The following SLC24A2 variants were observed in gnomAD, a reference collection of about 807,000 sequenced individuals.
The protein encoded by SLC24A2 is sodium/potassium/calcium exchanger 2.
Under a neutral mutation model 62.0 loss-of-function variants are expected in SLC24A2, and 36 were observed. The ratio of observed to expected loss-of-function variants is 0.58; its 90% CI spans 0.44 to 0.77. The LOEUF is 0.77. Among genes scored for constraint, SLC24A2 ranks in the 30% least tolerant of loss-of-function variants. SLC24A2 has a pLI of 0.00. For missense variants in SLC24A2, 846 were observed against 817.9 expected (o/e 1.03, Z -0.42); for synonymous variants, 358 against 294.0 (o/e 1.22, Z -2.23).
the SLC24A2 span, among the ~76,000 whole-genome samples, chr9:20,065,722 G>A: frequency 6.6e-6 from 1 of 152,196 alleles, no homozygotes; most frequent in Non-Finnish European, 1.5e-5. Context: ...CATTTGGTAA[G>A]TAGCAGATAT....
At chr9:20,061,893 C>A in the SLC24A2 span, among the ~76,000 whole-genome samples, 1 of 151,998 alleles carries the variant, frequency 6.6e-6, no homozygotes, top group Non-Finnish European at 1.5e-5. Flanking sequence ...AATGAAAGGG[C>A]AACCCACGGA....
chr9:20,288,994 G>C, the SLC24A2 span, among the ~76,000 whole-genome samples: 8 of 151,946 alleles, frequency 5.3e-5, no homozygotes, highest in Admixed American at 6.6e-5. Flanking sequence ...AGAGCCTTCA[G>C]ATAATTCCAG....
At chr9:20,198,625 T>C in the SLC24A2 span, among the ~76,000 whole-genome samples, 1 of 152,026 alleles carries the variant, frequency 6.6e-6, no homozygotes, top group Non-Finnish European at 1.5e-5. Context: ...GAGAGGCAAT[T>C]TGTGGAACAC....
At chr9:19,556,738 T>C (rs1179600840) in intron 7 of SLC24A2, among the ~76,000 whole-genome samples, 1 of 152,184 alleles carries the variant, frequency 6.6e-6, no homozygotes, top group Non-Finnish European at 1.5e-5. Context: ...AGCACTTACG[T>C]ATTTTACATA....
In SLC24A2 at chr9:19,691,662, C is replaced by T. The variant is rs562384301; in HGVS notation, c.931-69363G>A. ...TATTTCTCTGGTTAAAAGTACAGAACCAGTTATATACTTTCCTAGTATATG... is the reference window on the plus strand; with the variant it reads ...TATTTCTCTGGTTAAAAGTACAGAATCAGTTATATACTTTCCTAGTATATG... On this transcript the variant is annotated intron_variant, in intron 2 of 10. Transcript: ENST00000341998. Among the ~76,000 whole-genome samples the T allele has an allele frequency of 2.7e-4, 41 of 152,128 alleles. 1 individual carries two copies. The highest frequency in any genetic ancestry group is 5.6e-4 in the Non-Finnish European group (38 of 68,012).
the SLC24A2 span, among the ~76,000 whole-genome samples, chr9:20,014,495 G>GATAT: frequency 0.37 from 51,737 of 140,144 alleles, 10,315 homozygotes; most frequent in Non-Finnish European, 0.48. Flanking sequence ...AGAAAAATGT[G>GATAT]ATATATATAT....
intron 8 of SLC24A2, among the ~76,000 whole-genome samples, chr9:19,542,158 C>G (rs927017301): frequency 6.6e-6 from 1 of 152,152 alleles, no homozygotes; most frequent in African/African-American, 2.4e-5. Flanking sequence ...GCAGAAATCA[C>G]CCGTCTTCTG....
chr9:19,941,857 A>G, the SLC24A2 span, among the ~76,000 whole-genome samples: 1 of 152,202 alleles, frequency 6.6e-6, no homozygotes, highest in South Asian at 2.1e-4. Context: ...ATAAGGAATC[A>G]GTACTAGGAA....
At chr9:19,727,921 A>T (rs183085284) in intron 2 of SLC24A2, among the ~76,000 whole-genome samples, 1 of 152,318 alleles carries the variant, frequency 6.6e-6, no homozygotes, top group Non-Finnish European at 1.5e-5. Flanking sequence ...GTATATCCCT[A>T]AAAGTTCATT....
chr9:19,863,618 G>A, the SLC24A2 span, among the ~76,000 whole-genome samples: 2 of 145,856 alleles, frequency 1.4e-5, no homozygotes, highest in African/African-American at 5.1e-5. Flanking sequence ...TGACCAGTGG[G>A]TAAATTAAAA....
At chr9:19,925,851 CAG>C in the SLC24A2 span, among the ~76,000 whole-genome samples, 1 of 152,310 alleles carries the variant, frequency 6.6e-6, no homozygotes, top group Admixed American at 6.5e-5. Context: ...CTTTTCCTGA[CAG>C]AGATTTTAAT....
chr9:20,019,295 GA>G, the SLC24A2 span, among the ~76,000 whole-genome samples: 13 of 149,978 alleles, frequency 8.7e-5, no homozygotes, highest in Admixed American at 8.6e-4. Context: ...AAGAAAGAAA[GA>G]AAGAAAGAAA....
the SLC24A2 span, among the ~76,000 whole-genome samples, chr9:20,052,349 TC>T: frequency 1.1e-4 from 17 of 152,296 alleles, no homozygotes; most frequent in Non-Finnish European, 2.5e-4. Context: ...TGTCATCTTC[TC>T]CTTTGGCGTT....
the SLC24A2 span, among the ~76,000 whole-genome samples, chr9:20,100,075 G>A: frequency 2.1e-4 from 32 of 152,024 alleles, no homozygotes; most frequent in African/African-American, 6.5e-4. Context: ...CTGGAGTGCA[G>A]TGGTGCAATT....
At chr9:19,953,921 A>G in the SLC24A2 span, among the ~76,000 whole-genome samples, 1 of 151,988 alleles carries the variant, frequency 6.6e-6, no homozygotes, top group African/African-American at 2.4e-5. Flanking sequence ...ATCCTGAGCT[A>G]GTAGTTTTCA....
At chr9:20,305,533 T>C in the SLC24A2 span, among the ~76,000 whole-genome samples, 1 of 152,246 alleles carries the variant, frequency 6.6e-6, no homozygotes, top group Non-Finnish European at 1.5e-5. Context: ...CTGTCGTTTT[T>C]GTCTTAAACT....
At position 19,772,336 on chromosome 9, in the gene SLC24A2, A is replaced by G. The variant is rs117903377; in HGVS notation, c.930+13601T>C. ...TTTAGGGTTGATCCAAGGGTCTCAA[A>G]TCACTCTAGATAAAAATGTGCTTAG... On this transcript the variant is annotated intron_variant, in intron 2 of 10. Coordinates refer to ENST00000341998, the MANE Select transcript of SLC24A2 (RefSeq NM_020344.4). Among the ~76,000 whole-genome samples, 666 of 152,314 alleles carry G rather than the reference A, an allele frequency of 4.4e-3. 3 individuals carry two copies. Among genetic ancestry groups the G allele is most frequent in the Admixed American group, 0.014 (215 of 15,306 alleles).
At chr9:20,199,608 A>G in the SLC24A2 span, among the ~76,000 whole-genome samples, 1 of 152,230 alleles carries the variant, frequency 6.6e-6, no homozygotes, top group Non-Finnish European at 1.5e-5. Flanking sequence ...TTTGAGAATA[A>G]AGAAAAAAGG....
rs571147451 is a variant in SLC24A2, at chr9:19,599,350, G to T, written c.1079-2071C>A. On this transcript the variant is annotated intron_variant, in intron 4 of 10. Transcript: ENST00000341998. This position sits in a 1 kb window ranked among gnomAD's most constrained non-coding sequence, Gnocchi z 4.5. ...GAGACTGAAGAACAAGAACTAGGCA[G>T]AACATAACAAAAATGAGTCTAATGA... is the stretch of plus-strand genomic sequence containing the variant. Among the ~76,000 whole-genome samples the T allele has an allele frequency of 6.6e-6, 1 of 152,150 alleles. No individual in the cohort carries two copies. The highest frequency in any genetic ancestry group is 2.4e-5 in the African/African-American group (1 of 41,446).
Sources: gnomAD v4.1 joint callset for allele counts (sites outside exome capture counted in the v4.1 genomes callset) on GRCh38, gnomAD v4.1.1 for gene constraint, Gnocchi (gnomAD v3.1) non-coding constraint, MANE v1.5 for transcripts, NCBI Gene and HGNC (gene_info 2026-07-23, HGNC 2026-07-21) for gene names.